Variants in FSHR observed in about 807,000 individuals in gnomAD.
The protein encoded by FSHR is follicle stimulating hormone receptor.
A neutral mutation model predicts 52.1 loss-of-function variants in FSHR; 46 were observed. That is an observed-to-expected ratio of 0.88 (90% CI 0.70 to 1.13). The LOEUF (loss-of-function observed/expected upper bound fraction) is 1.13, where lower values mean the gene tolerates loss of function less well. Ranked by LOEUF, FSHR falls within the 50% of genes most tolerant of loss-of-function variation. The probability of loss-of-function intolerance (pLI) is 0.00; values close to 1 mark genes in which losing one functional copy is unlikely to be tolerated. For synonymous variants in FSHR, 399 were observed against 309.6 expected (o/e 1.29, Z -3.03); for missense variants, 964 against 834.6 (o/e 1.16, Z -1.91).
intron 1 of FSHR, among the ~76,000 whole-genome samples, chr2:49,115,174 G>A (rs1401674881): frequency 6.6e-6 from 1 of 150,508 alleles, no homozygotes; most frequent in Non-Finnish European, 1.5e-5. Context: ...CCCTTTACAG[G>A]ATCCAACCAG....
intron 2 of FSHR, among the ~76,000 whole-genome samples, chr2:49,060,882 T>G (rs1045665228): frequency 2.6e-5 from 4 of 152,106 alleles, no homozygotes; most frequent in Non-Finnish European, 4.4e-5. Context: ...CACATGGCTG[T>G]AAAGAGTCTA....
At chr2:49,068,952 T>C (rs935938854) in intron 1 of FSHR, among the ~76,000 whole-genome samples, 1 of 152,118 alleles carries the variant, frequency 6.6e-6, no homozygotes, top group African/African-American at 2.4e-5. Flanking sequence ...TTTCCTGGAT[T>C]CTGCTTACTG....
chr2:49,090,460 G>C (rs1211007686), intron 1 of FSHR, among the ~76,000 whole-genome samples: 1 of 152,058 alleles, frequency 6.6e-6, no homozygotes, highest in Admixed American at 6.5e-5. Flanking sequence ...GTTCCTTTTT[G>C]CTGCTGAGTA....
At position 49,154,475 on chromosome 2, in the gene FSHR, A is replaced by G. The variant is rs886056153; in HGVS notation, c.-58T>C. ...CATTTGCAGAGAAAAACCTCCACAG[A>G]TCTCAGAAGCTCCACACAGTGCCCT... is the stretch of plus-strand genomic sequence containing the variant. On this transcript the variant is annotated 5_prime_UTR_variant, in exon 1 of 10. Transcript: ENST00000406846. The G allele has an allele frequency of 1.3e-6, 2 of 1,577,598 alleles. No homozygotes were observed. The highest frequency in any genetic ancestry group is 1.1e-5 in the South Asian group (1 of 89,834).
At chr2:49,089,093 C>CTAATATAATATAATA (rs141082451) in intron 1 of FSHR, among the ~76,000 whole-genome samples, 25,493 of 149,992 alleles carry the variant, frequency 0.17, 2,382 homozygotes, top group East Asian at 0.24. Context: ...AAATTCACTT[C>CTAATATAATATAATA]TAATATAATA....
At chr2:49,099,443 A>T (rs1257245787) in intron 1 of FSHR, among the ~76,000 whole-genome samples, 1 of 152,110 alleles carries the variant, frequency 6.6e-6, no homozygotes, top group Non-Finnish European at 1.5e-5. Flanking sequence ...TTTTCTTTAT[A>T]AATTACCCAG....
At chr2:49,122,426 G>A (rs553810467) in intron 1 of FSHR, among the ~76,000 whole-genome samples, 20 of 152,272 alleles carry the variant, frequency 1.3e-4, no homozygotes, top group African/African-American at 4.6e-4. Context: ...TACAGTCGGG[G>A]TCTTCTTACA....
chr2:49,141,654 T>C (rs1295333958), intron 1 of FSHR, among the ~76,000 whole-genome samples: 1 of 152,104 alleles, frequency 6.6e-6, no homozygotes, highest in African/African-American at 2.4e-5. Flanking sequence ...CAACCCTGAC[T>C]GGGTACAGGA....
intron 6 of FSHR, among the ~76,000 whole-genome samples, chr2:48,987,414 A>G (rs893600059): frequency 1.3e-5 from 2 of 151,650 alleles, no homozygotes; most frequent in Admixed American, 6.6e-5. Context: ...GTTTCACTGT[A>G]TTAGACAGGA....
intron 4 of FSHR, 151 bp downstream of exon 4, chr2:49,017,338 A>C: frequency 1.6e-6 from 1 of 620,768 alleles, no homozygotes; most frequent in Non-Finnish European, 2.9e-6. Flanking sequence ...ACTAAAATCC[A>C]TCACCAAGTA....
At position 49,020,157 on chromosome 2, in the gene FSHR, C is replaced by A. The variant is rs768583889; in HGVS notation, c.228G>T (p.Glu76Asp). Residue 76 changes from glutamate (E) to aspartate (D), a missense_variant, in exon 3 of 10, where the codon GAG (glutamate) becomes GAT (aspartate). Glu to Asp is a conservative substitution (Grantham distance 45). Coordinates refer to ENST00000406846, the MANE Select transcript of FSHR (RefSeq NM_000145.4). Reference sequence around the variant, plus strand: ...CCTCCAAGACATCATTCTGAGAGATCTCTCTGTGGAGAAAAAAATATATAA... The same window carrying A: ...CCTCCAAGACATCATTCTGAGAGATATCTCTGTGGAGAAAAAAATATATAA... ...FSGFGDLEKIEISQNDVLEVI... is the reference protein window; with the variant it reads ...FSGFGDLEKIDISQNDVLEVI... 2 of 1,612,892 alleles carry A rather than the reference C, an allele frequency of 1.2e-6. No individual in the cohort carries two copies. Among genetic ancestry groups the A allele is most frequent in the African/African-American group, 2.7e-5 (2 of 74,990 alleles).
At chr2:49,007,827 C>T (rs1355355432) in intron 4 of FSHR, among the ~76,000 whole-genome samples, 1 of 151,942 alleles carries the variant, frequency 6.6e-6, no homozygotes, top group South Asian at 2.1e-4. Flanking sequence ...ATCAGTATCT[C>T]ATTTAATCCT....
chr2:49,130,972 C>CA (rs372287294), intron 1 of FSHR, among the ~76,000 whole-genome samples: 254 of 151,988 alleles, frequency 1.7e-3, no homozygotes, highest in African/African-American at 5.8e-3. Flanking sequence ...CTATTTAGTA[C>CA]AAAAAAATTG....
intron 1 of FSHR, among the ~76,000 whole-genome samples, chr2:49,153,218 C>G (rs1673126059): frequency 6.6e-6 from 1 of 152,206 alleles, no homozygotes; most frequent in Non-Finnish European, 1.5e-5. Flanking sequence ...GAGATGACCA[C>G]CTTCTTCAAT....
At chr2:49,035,552 C>A (rs1668244387) in intron 2 of FSHR, among the ~76,000 whole-genome samples, 1 of 152,188 alleles carries the variant, frequency 6.6e-6, no homozygotes, top group Admixed American at 6.5e-5. Flanking sequence ...CCCTAAGTGG[C>A]ATTTAAGGCT....
chr2:49,022,463 T>C (rs1420246726), intron 2 of FSHR, among the ~76,000 whole-genome samples: 1 of 152,120 alleles, frequency 6.6e-6, no homozygotes, highest in Non-Finnish European at 1.5e-5. Context: ...ATGAGAAATT[T>C]AGACATCTTA....
chr2:49,066,855 A>T (rs571104237), intron 2 of FSHR, among the ~76,000 whole-genome samples: 1 of 152,260 alleles, frequency 6.6e-6, no homozygotes, highest in South Asian at 2.1e-4. Flanking sequence ...TTAGGGACAC[A>T]GGGATATCCA....
chr2:49,010,625 C>G (rs1204927641), intron 4 of FSHR, among the ~76,000 whole-genome samples: 4 of 150,884 alleles, frequency 2.7e-5, no homozygotes, highest in Non-Finnish European at 5.9e-5. Context: ...CCTTGTACCT[C>G]TGGTAGAATT....
In FSHR at chr2:48,988,964, C is replaced by T. The variant is rs753625136; in HGVS notation, c.524+13G>A. The T allele has an allele frequency of 3.1e-6, 5 of 1,607,442 alleles. No individual in the cohort carries two copies. The highest frequency in any genetic ancestry group is 1.7e-5 in the Admixed American group (1 of 60,008). On this transcript the variant is annotated intron_variant, in intron 6 of 9. Transcript: ENST00000406846. ...CAAATGTTACTCTGTTGGATTTTTT[C>T]CCCCTTACTTACAGAATCACACTTT...
Sources: allele counts gnomAD v4.1 joint callset (sites outside exome capture counted in the v4.1 genomes callset), GRCh38; gene constraint gnomAD v4.1.1; transcripts MANE v1.5; gene names NCBI Gene and HGNC (gene_info 2026-07-23, HGNC 2026-07-21).